MROH7: variants seen among roughly 807,000 people sequenced by gnomAD.
MROH7 encodes maestro heat like repeat family member 7, also known as maestro heat-like repeat-containing protein family member 7.
Under a neutral mutation model 129.2 loss-of-function variants are expected in MROH7, and 113 were observed. That is an observed-to-expected ratio of 0.87 (90% CI 0.75 to 1.02). The LOEUF is 1.02. MROH7 is among the 50% of genes least tolerant of loss of function. The pLI is 0.00. For missense variants in MROH7, 1,601 were observed against 1,671.3 expected, an observed-to-expected ratio of 0.96 and a Z score of 0.73; for synonymous variants, 655 against 667.9, an observed-to-expected ratio of 0.98 and a Z score of 0.30.
intron 3 of MROH7, chr1:54,663,900 C>G (rs41297851): frequency 2.6e-6 from 1 of 385,420 alleles, no homozygotes; most frequent in Non-Finnish European, 5.1e-6. Flanking sequence ...ATTGGTGTAT[C>G]TACTTCTCCA....
chr1:54,644,578 G>T (rs1376232963), intron 1 of MROH7, among the ~76,000 whole-genome samples: 1 of 151,810 alleles, frequency 6.6e-6, no homozygotes, highest in Non-Finnish European at 1.5e-5. Context: ...CCTAACCTCA[G>T]GTGATCTGCC....
rs1247459446 is a variant in MROH7 at position 54,703,235 on chromosome 1, A to T, written c.3564+490A>T. ...CACCCAAGGGGTCTCCCAGCCTTTA[A>T]CTCCATCCCCTCCAATCCATTTCCC... On this transcript the variant is annotated intron_variant, in intron 21 of 23. Transcript: ENST00000421030. The surrounding 1 kb of genome is among the most constrained non-coding windows in gnomAD (Gnocchi z 4.4). Among the ~76,000 whole-genome samples, 3 of 151,712 alleles carry T rather than the reference A, an allele frequency of 2.0e-5. No homozygotes were observed. The highest frequency in any genetic ancestry group is 4.4e-5 in the Non-Finnish European group (3 of 67,920).
At chr1:54,701,079 C>A in intron 18 of MROH7, 64 bp from the exon 19 acceptor site, 1 of 1,551,110 alleles carries the variant, frequency 6.4e-7, no homozygotes, top group Non-Finnish European at 8.9e-7. Flanking sequence ...GAATCAGAGG[C>A]TGGGTCTCTT....
intron 8 of MROH7, 136 bp from the exon 9 acceptor site, chr1:54,673,565 G>A: frequency 1.5e-6 from 1 of 683,008 alleles, no homozygotes; most frequent in Admixed American, 2.4e-5. Flanking sequence ...TATACCCCAA[G>A]AAGAGGAGGA....
intron 1 of MROH7, among the ~76,000 whole-genome samples, chr1:54,647,904 CAAAAAA>C (rs35151019): frequency 8.0e-5 from 7 of 87,116 alleles, no homozygotes; most frequent in African/African-American, 9.2e-5. Context: ...GACTCCATCT[CAAAAAA>C]AAAAAAAAAA....
intron 17 of MROH7, chr1:54,699,851 G>C (rs576265075): frequency 1.9e-4 from 96 of 492,568 alleles, no homozygotes; most frequent in Middle Eastern, 1.0e-3. Flanking sequence ...GCCAGGGGCA[G>C]TGTCAAGCCT....
Position 54,702,679 on chromosome 1 carries a change from A to G in MROH7, c.3498A>G (p.Lys1166=). The G allele has an allele frequency of 6.2e-7, 1 of 1,613,916 alleles. No individual in the cohort carries two copies. Among genetic ancestry groups the G allele is most frequent in the Non-Finnish European group, 8.5e-7 (1 of 1,179,896 alleles). The change falls in exon 21 of 24, where the codon AAA becomes AAG. Residue 1166 remains lysine, a synonymous_variant. Transcript: ENST00000421030. The part of the protein sequence containing the change: ...CSYFMAWELP[K]RAYSRKPWDN... ...ACTTCATGGCTTGGGAGTTGCCAAA[A>G]AGAGCTTATAGCCGGAAGCCCTGGG...
At chr1:54,689,535 C>T (rs1220021769) in intron 15 of MROH7, among the ~76,000 whole-genome samples, 1 of 152,244 alleles carries the variant, frequency 6.6e-6, no homozygotes, top group Non-Finnish European at 1.5e-5. Context: ...CACGGGGCAT[C>T]AGCACACAAG....
intron 1 of MROH7, among the ~76,000 whole-genome samples, chr1:54,646,540 C>A (rs750809464): frequency 6.6e-6 from 1 of 152,056 alleles, no homozygotes; most frequent in South Asian, 2.1e-4. Context: ...CCATCAGAAT[C>A]CTTTTATGGT....
In MROH7 at chr1:54,710,073, C is replaced by G; in HGVS notation, c.3858C>G (p.Tyr1286Ter). Residue 1286 changes from tyrosine to a stop codon, truncating the protein, a stop_gained, in exon 24 of 24, where the codon TAC becomes TAG. Transcript: ENST00000421030. LOFTEE classifies it high-confidence loss of function. ...CGCACGGGAACTCATGGGTGTGTTA[C>G]TCAGCCACCACCCACCGCTGGAGCC... is the stretch of plus-strand genomic sequence containing the variant. ...WLPHGNSWVC[Y>*]SATTHRWSPS... The G allele has an allele frequency of 6.2e-7, 1 of 1,614,108 alleles. No homozygotes were observed. The highest frequency in any genetic ancestry group is 1.7e-4 in the Middle Eastern group (1 of 6,060).
chr1:54,647,853 C>A (rs1569847540), intron 1 of MROH7, among the ~76,000 whole-genome samples: 1 of 128,210 alleles, frequency 7.8e-6, no homozygotes, highest in African/African-American at 3.0e-5. Flanking sequence ...TGCAGTGAGC[C>A]AAAATTGTGC....
At chr1:54,680,136 C>T (rs918048920) in intron 13 of MROH7, 91 bp downstream of exon 13, 1 of 1,243,678 alleles carries the variant, frequency 8.0e-7, no homozygotes, top group South Asian at 1.3e-5. Flanking sequence ...CCCAGATAAG[C>T]CCCTCGCCCT....
chr1:54,648,194 T>C (rs1557687335), intron 1 of MROH7, among the ~76,000 whole-genome samples: 1 of 151,880 alleles, frequency 6.6e-6, no homozygotes, highest in South Asian at 2.1e-4. Flanking sequence ...GAAGACACTA[T>C]TCTTTCCCTA....
At chr1:54,670,443 T>C in intron 5 of MROH7, 54 bp from the exon 6 acceptor site, 1 of 1,531,892 alleles carries the variant, frequency 6.5e-7, no homozygotes, top group Non-Finnish European at 9.0e-7. Context: ...GCCTTGGCCC[T>C]GGTGGCCTGC....
chr1:54,677,741 G>A (rs539019339), intron 10 of MROH7, among the ~76,000 whole-genome samples: 1 of 152,210 alleles, frequency 6.6e-6, no homozygotes, highest in South Asian at 2.1e-4. Flanking sequence ...AAGGGCTCAG[G>A]AAGTGCGCCT....
intron 15 of MROH7, among the ~76,000 whole-genome samples, chr1:54,691,521 A>G (rs937241526): frequency 3.3e-5 from 5 of 152,180 alleles, no homozygotes; most frequent in African/African-American, 1.2e-4. Flanking sequence ...AAAAGTGTAT[A>G]TAGGCTGGGT....
At position 54,652,893 on chromosome 1, in the gene MROH7, C is replaced by G. The variant is rs1655520; in HGVS notation, c.-34C>G. 1,513,603 of 1,527,174 alleles carry G rather than the reference C, an allele frequency of 0.99. 750,975 individuals are homozygous for G. Among genetic ancestry groups the G allele is most frequent in the East Asian group, 1 (44,084 of 44,084 alleles). 94.6% of individuals were successfully genotyped at this position (1,527,174 alleles called of 1,614,324 possible). A position where few individuals can be genotyped will look rare whatever the true frequency, so the allele number is the denominator to read the frequency against. ...GTGACAGTTGGCTGTTGGAGAGAAG[C>G]GGGCACTGGCATTGAGAGACCTCCA... On this transcript the variant is annotated 5_prime_UTR_variant, in exon 3 of 24. Coordinates refer to ENST00000421030, the MANE Select transcript of MROH7 (RefSeq NM_001039464.4).
chr1:54,682,878 G>A (rs1645092829), intron 14 of MROH7, 84 bp downstream of exon 14: 2 of 1,490,734 alleles, frequency 1.3e-6, no homozygotes, highest in Non-Finnish European at 1.8e-6. Context: ...AGCACACCCG[G>A]CCTCGAGTAC....
intron 17 of MROH7, among the ~76,000 whole-genome samples, chr1:54,696,659 CTTTTTTTTTT>C (rs1157748080): frequency 2.1e-4 from 14 of 66,882 alleles, no homozygotes; most frequent in African/African-American, 6.2e-4. Flanking sequence ...AATTTCCTTA[CTTTTTTTTTT>C]TTTTTTTTTT....
Sources: allele counts gnomAD v4.1 joint callset (sites outside exome capture counted in the v4.1 genomes callset), GRCh38; gene constraint gnomAD v4.1.1; non-coding constraint Gnocchi (gnomAD v3.1); transcripts MANE v1.5; gene names NCBI Gene and HGNC (gene_info 2026-07-23, HGNC 2026-07-21).